MAST2: variants seen among roughly 807,000 people sequenced by gnomAD.
MAST2 encodes microtubule-associated serine/threonine-protein kinase 2.
MAST2 carries 70 observed loss-of-function variants against 147.4 expected under a neutral mutation model. The ratio of observed to expected loss-of-function variants is 0.47; its 90% confidence interval spans 0.39 to 0.58. MAST2 has a LOEUF of 0.58. Ranked by LOEUF, MAST2 falls within the 20% of genes least tolerant of loss-of-function variation. The pLI is 0.00. For missense variants in MAST2, 2,080 were observed against 2,302.3 expected, an observed-to-expected ratio of 0.90 and a Z score of 1.98; for synonymous variants, 869 against 896.8, an observed-to-expected ratio of 0.97 and a Z score of 0.55.
At chr1:45,817,808 G>C (rs1056564007) in intron 1 of MAST2, among the ~76,000 whole-genome samples, 1 of 152,200 alleles carries the variant, frequency 6.6e-6, no homozygotes. Context: ...AAAAGTAATT[G>C]TGGTTTTGGA....
chr1:45,966,979 A>G (rs965774581), intron 5 of MAST2, among the ~76,000 whole-genome samples: 5 of 147,426 alleles, frequency 3.4e-5, no homozygotes, highest in Non-Finnish European at 7.4e-5. Flanking sequence ...GATTTTGGCT[A>G]TTCTAATCTA....
intron 4 of MAST2, among the ~76,000 whole-genome samples, chr1:45,927,552 G>T (rs780815051): frequency 2.2e-4 from 33 of 152,256 alleles, no homozygotes; most frequent in Non-Finnish European, 4.3e-4. Flanking sequence ...AGAGAAATAC[G>T]GCTCTGTTCT....
At chr1:45,981,071 GT>G (rs1292163200) in intron 5 of MAST2, among the ~76,000 whole-genome samples, 1 of 152,014 alleles carries the variant, frequency 6.6e-6, no homozygotes, top group Non-Finnish European at 1.5e-5. Context: ...GTTTTGTTTT[GT>G]TTTGTTTTGA....
intron 4 of MAST2, among the ~76,000 whole-genome samples, chr1:45,956,876 C>G (rs1015197732): frequency 5.3e-5 from 8 of 152,150 alleles, no homozygotes; most frequent in African/African-American, 1.7e-4. Context: ...GGCATACATA[C>G]CCAAAACATC....
intron 4 of MAST2, among the ~76,000 whole-genome samples, chr1:45,922,666 C>A (rs957521668): frequency 6.6e-6 from 1 of 152,174 alleles, no homozygotes; most frequent in Non-Finnish European, 1.5e-5. Flanking sequence ...CAGGGGCCTT[C>A]CTAGGCCCGA....
At chr1:45,957,247 C>G (rs1379392239) in intron 4 of MAST2, among the ~76,000 whole-genome samples, 1 of 152,084 alleles carries the variant, frequency 6.6e-6, no homozygotes, top group South Asian at 2.1e-4. Context: ...TTATTCATTC[C>G]TTGTTATTGC....
chr1:45,826,773 A>G (rs1644805933), intron 2 of MAST2, among the ~76,000 whole-genome samples: 2 of 151,882 alleles, frequency 1.3e-5, no homozygotes, highest in African/African-American at 4.8e-5. Context: ...TCACCCCCTC[A>G]TTATCAGTGT....
chr1:45,920,883 T>C (rs1409775738), intron 4 of MAST2, among the ~76,000 whole-genome samples: 2 of 152,086 alleles, frequency 1.3e-5, no homozygotes, highest in African/African-American at 4.8e-5. Context: ...TCTGAGTAAA[T>C]CTGTTTTATA....
chr1:46,030,132 G>A lies in MAST2; in HGVS notation c.2447G>A (p.Arg816His), dbSNP rs772384498. ...SEDDTSYFDT[R>H]SERYHHMDSE... ...GTGTCCTTTATGTCTGGCCCAGCCC[G>A]CTCAGAGCGATACCACCACATGGAC... The change falls in exon 21 of 29, where the codon CGC (arginine) becomes CAC (histidine). Residue 816 changes from arginine (R) to histidine (H), a missense_variant. By Grantham distance (29) the Arg-to-His change is conservative. Coordinates refer to ENST00000361297, the MANE Select transcript of MAST2 (RefSeq NM_015112.3). 43 of 1,613,966 alleles carry A rather than the reference G, an allele frequency of 2.7e-5. No individual in the cohort carries two copies. Among genetic ancestry groups the A allele is most frequent in the East Asian group, 1.6e-4 (7 of 44,892 alleles).
At chr1:45,983,470 A>G (rs1015162832) in intron 5 of MAST2, among the ~76,000 whole-genome samples, 17 of 151,668 alleles carry the variant, frequency 1.1e-4, no homozygotes, top group Non-Finnish European at 2.4e-4. Flanking sequence ...TGTCCATTCT[A>G]AATTTTAGAG....
intron 3 of MAST2, among the ~76,000 whole-genome samples, chr1:45,866,747 CT>C (rs5773895): frequency 0.44 from 65,538 of 147,524 alleles, 14,421 homozygotes; most frequent in East Asian, 0.62. Flanking sequence ...ATTTTGTCTA[CT>C]TTTTTTTTTT....
At chr1:46,018,476 G>A (rs1268800895) in intron 10 of MAST2, among the ~76,000 whole-genome samples, 3 of 152,214 alleles carry the variant, frequency 2.0e-5, no homozygotes, top group African/African-American at 7.2e-5. Flanking sequence ...AGTAAAAGGA[G>A]TAGGTCTTAG....
At chr1:45,814,648 G>A (rs979567060) in intron 1 of MAST2, among the ~76,000 whole-genome samples, 11 of 152,128 alleles carry the variant, frequency 7.2e-5, no homozygotes, top group African/African-American at 1.9e-4. Context: ...TTAGCCCAGC[G>A]TGGTGGCGCA....
chr1:45,895,430 A>G (rs1445905276), intron 4 of MAST2, among the ~76,000 whole-genome samples: 1 of 152,202 alleles, frequency 6.6e-6, no homozygotes, highest in Non-Finnish European at 1.5e-5. Flanking sequence ...TAAATACAAA[A>G]CAAAACCCAG....
intron 4 of MAST2, among the ~76,000 whole-genome samples, chr1:45,936,374 C>A (rs1656191516): frequency 6.6e-6 from 1 of 152,068 alleles, no homozygotes; most frequent in Non-Finnish European, 1.5e-5. Context: ...CTTTCTCTTG[C>A]CTAATTGCTC....
chr1:45,932,243 T>C (rs982948486), intron 4 of MAST2, among the ~76,000 whole-genome samples: 4 of 152,214 alleles, frequency 2.6e-5, no homozygotes, highest in African/African-American at 9.6e-5. Flanking sequence ...TGTTCCTGGT[T>C]GCATTATTAT....
chr1:45,922,808 G>A (rs1653743680), intron 4 of MAST2, among the ~76,000 whole-genome samples: 1 of 152,194 alleles, frequency 6.6e-6, no homozygotes, highest in African/African-American at 2.4e-5. Context: ...TGTAGAGCAT[G>A]CAGCCCCAGC....
At chr1:45,825,849 G>C (rs917015660) in intron 2 of MAST2, among the ~76,000 whole-genome samples, 2 of 151,976 alleles carry the variant, frequency 1.3e-5, no homozygotes, top group Admixed American at 1.3e-4. Flanking sequence ...GACCAAGGCA[G>C]GCAGATCACC....
intron 1 of MAST2, among the ~76,000 whole-genome samples, chr1:45,819,613 A>G (rs1644559731): frequency 6.6e-6 from 1 of 152,188 alleles, no homozygotes; most frequent in East Asian, 1.9e-4. Context: ...AGTAGCTGCA[A>G]ATAAAATACC....
Sources: allele counts gnomAD v4.1 joint callset (sites outside exome capture counted in the v4.1 genomes callset), GRCh38; gene constraint gnomAD v4.1.1; transcripts MANE v1.5; gene names NCBI Gene and HGNC (gene_info 2026-07-23, HGNC 2026-07-21).